The following SLC9A9 variants were observed in gnomAD, a reference collection of about 807,000 sequenced individuals.
The protein encoded by SLC9A9 is sodium/hydrogen exchanger 9.
SLC9A9 carries 62 observed loss-of-function variants against 77.8 expected under a neutral mutation model. That is an observed-to-expected ratio of 0.80 (90% CI 0.65 to 0.98). SLC9A9 has a LOEUF of 0.98. Among genes scored for constraint, SLC9A9 ranks in the 50% least tolerant of loss-of-function variants. The pLI is 0.00. For synonymous variants in SLC9A9, 320 were observed against 283.5 expected (o/e 1.13, Z -1.29); for missense variants, 775 against 774.9 (o/e 1.00, Z 0.00).
chr3:143,460,510 T>C (rs2035172469), intron 12 of SLC9A9, among the ~76,000 whole-genome samples: 1 of 152,202 alleles, frequency 6.6e-6, no homozygotes. Context: ...GATAATGCTT[T>C]ATGATAACAG....
chr3:143,603,684 C>G (rs1356261686), intron 6 of SLC9A9, among the ~76,000 whole-genome samples: 1 of 152,146 alleles, frequency 6.6e-6, no homozygotes, highest in Non-Finnish European at 1.5e-5. Flanking sequence ...AACCAGTCAG[C>G]CTAAAGAGAT....
At chr3:143,483,636 A>G (rs2035608536) in intron 11 of SLC9A9, among the ~76,000 whole-genome samples, 1 of 152,218 alleles carries the variant, frequency 6.6e-6, no homozygotes, top group African/African-American at 2.4e-5. Flanking sequence ...GGCTCCTCTC[A>G]GGATCTTGGA....
chr3:143,751,609 C>T (rs1044051944), intron 4 of SLC9A9, among the ~76,000 whole-genome samples: 5 of 152,106 alleles, frequency 3.3e-5, no homozygotes, highest in Non-Finnish European at 5.9e-5. Flanking sequence ...CCTCTGCACC[C>T]TCCTACCTCC....
chr3:143,832,962 C>G (rs1257397738), intron 1 of SLC9A9, among the ~76,000 whole-genome samples: 1 of 152,044 alleles, frequency 6.6e-6, no homozygotes, highest in African/African-American at 2.4e-5. Context: ...TTACTTGTAG[C>G]CAAATGCATT....
chr3:143,818,067 A>T (rs1576749400), intron 2 of SLC9A9, among the ~76,000 whole-genome samples: 1 of 152,216 alleles, frequency 6.6e-6, no homozygotes, highest in South Asian at 2.1e-4. Flanking sequence ...AAATTTACCA[A>T]AATTTATAGT....
intron 4 of SLC9A9, among the ~76,000 whole-genome samples, chr3:143,733,342 G>T (rs538942626): frequency 2.6e-5 from 4 of 152,272 alleles, no homozygotes; most frequent in African/African-American, 9.6e-5. Flanking sequence ...CAGGCTAGAA[G>T]GGGAGAAGAA....
At chr3:143,783,698 T>A (rs747332104) in intron 4 of SLC9A9, among the ~76,000 whole-genome samples, 12 of 152,062 alleles carry the variant, frequency 7.9e-5, no homozygotes, top group Non-Finnish European at 1.3e-4. Flanking sequence ...GTAATAAAAT[T>A]CAGAATAAGA....
intron 2 of SLC9A9, among the ~76,000 whole-genome samples, chr3:143,798,884 T>A (rs1013063391): frequency 6.6e-6 from 1 of 152,052 alleles, no homozygotes; most frequent in African/African-American, 2.4e-5. Context: ...TTTCCAATTT[T>A]CCTTTTCTAC....
At chr3:143,439,199 T>A (rs1271098086) in intron 12 of SLC9A9, among the ~76,000 whole-genome samples, 2 of 152,200 alleles carry the variant, frequency 1.3e-5, no homozygotes, top group African/African-American at 4.8e-5. Flanking sequence ...TTAATCCTCC[T>A]CAGTGACCAT....
chr3:143,291,959 C>T (rs532689622), intron 14 of SLC9A9, among the ~76,000 whole-genome samples: 1 of 152,342 alleles, frequency 6.6e-6, no homozygotes, highest in South Asian at 2.1e-4. Flanking sequence ...TACACCTCTG[C>T]TCTAAGCCAG....
At chr3:143,721,365 G>A (rs1343590383) in intron 4 of SLC9A9, among the ~76,000 whole-genome samples, 1 of 151,754 alleles carries the variant, frequency 6.6e-6, no homozygotes, top group East Asian at 1.9e-4. Flanking sequence ...AACCCCTCAT[G>A]TGGGCAGACA....
chr3:143,433,088 T>A (rs2034555110), intron 12 of SLC9A9, among the ~76,000 whole-genome samples: 2 of 152,230 alleles, frequency 1.3e-5, no homozygotes, highest in South Asian at 4.1e-4. Context: ...AATGAAAGGT[T>A]ATTTAGATAT....
chr3:143,573,986 A>T, intron 8 of SLC9A9, 102 bp downstream of exon 8: 1 of 981,602 alleles, frequency 1.0e-6, no homozygotes, highest in Non-Finnish European at 1.6e-6. Context: ...GCACTATTTA[A>T]GAGAGACTTC....
intron 13 of SLC9A9, among the ~76,000 whole-genome samples, chr3:143,367,193 C>G (rs189991998): frequency 1.3e-5 from 2 of 152,296 alleles, no homozygotes; most frequent in East Asian, 3.9e-4. Flanking sequence ...CTGATGGGAG[C>G]AACATACATT....
chr3:143,471,253 G>T (rs2035373782), intron 11 of SLC9A9, among the ~76,000 whole-genome samples: 1 of 152,156 alleles, frequency 6.6e-6, no homozygotes, highest in Non-Finnish European at 1.5e-5. Context: ...AGATGAGGTG[G>T]ACTATTGTCT....
At chr3:143,292,177 C>T (rs1056455043) in intron 14 of SLC9A9, among the ~76,000 whole-genome samples, 1 of 152,188 alleles carries the variant, frequency 6.6e-6, no homozygotes, top group Non-Finnish European at 1.5e-5. Context: ...AGAAGCCCCT[C>T]GCTGGGTGCT....
chr3:143,452,061 A>C (rs906632447), intron 12 of SLC9A9, among the ~76,000 whole-genome samples: 2 of 152,134 alleles, frequency 1.3e-5, no homozygotes, highest in East Asian at 3.9e-4. Flanking sequence ...ATCATCCTAA[A>C]TGTAATAGTC....
intron 12 of SLC9A9, among the ~76,000 whole-genome samples, chr3:143,457,065 A>G (rs147660062): frequency 0.014 from 2,187 of 152,260 alleles, 24 homozygotes; most frequent in South Asian, 0.048. Flanking sequence ...TCTGTTGCCA[A>G]GGCTGGAGTG....
intron 13 of SLC9A9, among the ~76,000 whole-genome samples, chr3:143,370,189 C>T (rs1055351470): frequency 6.6e-5 from 10 of 151,958 alleles, no homozygotes; most frequent in African/African-American, 1.2e-4. Flanking sequence ...CAATGATATA[C>T]TGGAATAATA....
Sources: allele counts gnomAD v4.1 joint callset (sites outside exome capture counted in the v4.1 genomes callset), GRCh38; gene constraint gnomAD v4.1.1; transcripts MANE v1.5; gene names NCBI Gene and HGNC (gene_info 2026-07-23, HGNC 2026-07-21).